Variants in CDS1 observed in about 807,000 individuals in gnomAD.
CDS1 encodes the protein CDP-diacylglycerol synthase 1, also known as phosphatidate cytidylyltransferase 1.
A neutral mutation model predicts 62.1 loss-of-function variants in CDS1; 41 were observed. That is an observed-to-expected ratio of 0.66 (90% CI 0.51 to 0.86). CDS1 has a LOEUF of 0.86. Ranked by LOEUF, CDS1 falls within the 40% of genes least tolerant of loss-of-function variation. The probability of loss-of-function intolerance (pLI) is 0.00; values close to 1 mark genes in which losing one functional copy is unlikely to be tolerated. For synonymous variants in CDS1, 185 were observed against 192.6 expected (o/e 0.96, Z 0.32); for missense variants, 470 against 550.1 (o/e 0.85, Z 1.46).
chr4:84,595,033 C>T (rs1157555112), intron 1 of CDS1, among the ~76,000 whole-genome samples: 1 of 152,088 alleles, frequency 6.6e-6, no homozygotes, highest in Admixed American at 6.6e-5. Context: ...GCACATCATC[C>T]AAGAGGTGGC....
At position 84,635,330 on chromosome 4, in the gene CDS1, T is replaced by G. The variant is rs776261160; in HGVS notation, c.789T>G (p.Phe263Leu). The G allele has an allele frequency of 3.2e-5, 50 of 1,554,016 alleles. No homozygotes were observed. In the Admixed American group the frequency reaches 3.2e-4, roughly 10 times the overall value. ...CTGCTTACCTTTTTGGATTTTTTTT[T>G]GGGAGAACTCCATTAATTAAGGTAA... The part of the protein sequence containing the change: ...DITAYLFGFF[F>L]GRTPLIKLSP... The change falls in exon 8 of 13, where the codon TTT becomes TTG. Residue 263 changes from phenylalanine to leucine, a missense_variant. Coordinates refer to ENST00000295887, the MANE Select transcript of CDS1 (RefSeq NM_001263.4).
intron 3 of CDS1, among the ~76,000 whole-genome samples, chr4:84,613,586 G>A (rs917177407): frequency 6.6e-5 from 10 of 152,206 alleles, no homozygotes; most frequent in Non-Finnish European, 1.5e-4. Context: ...CTCCAGCCTG[G>A]GCGACAGAGT....
At position 84,650,445 on chromosome 4, in the gene CDS1, T is replaced by C. The variant is rs1724698407; in HGVS notation, c.*1759T>C. 1 of 152,144 alleles carries C rather than the reference T, an allele frequency of 6.6e-6. No individual in the cohort carries two copies. Among genetic ancestry groups the C allele is most frequent in the Non-Finnish European group, 1.5e-5 (1 of 68,042 alleles). 9.4% of individuals were successfully genotyped at this position (152,144 alleles called of 1,614,324 possible). On this transcript the variant is annotated 3_prime_UTR_variant, in exon 13 of 13. Transcript: ENST00000295887. ...ACATCTCATGTTTTTATTTGTCCCA[T>C]TACAGCCTCAAATGTTGGTCATAAA...
At chr4:84,595,502 ATC>A (rs1560464740) in intron 1 of CDS1, among the ~76,000 whole-genome samples, 4 of 152,322 alleles carry the variant, frequency 2.6e-5, no homozygotes, top group South Asian at 2.1e-4. Flanking sequence ...CAAGAAAAAA[ATC>A]TATGTGTTTA....
intron 1 of CDS1, among the ~76,000 whole-genome samples, chr4:84,586,328 C>T (rs964676443): frequency 6.6e-6 from 1 of 152,124 alleles, no homozygotes; most frequent in Non-Finnish European, 1.5e-5. Flanking sequence ...AATAATTATA[C>T]AACTCACCAT....
chr4:84,612,002 TGA>T (rs950224900), intron 3 of CDS1, among the ~76,000 whole-genome samples: 1 of 151,850 alleles, frequency 6.6e-6, no homozygotes, highest in Non-Finnish European at 1.5e-5. Context: ...AGGGACCAAG[TGA>T]GAGCAAGGAG....
At chr4:84,609,044 T>G (rs2110051633) in intron 2 of CDS1, among the ~76,000 whole-genome samples, 1 of 151,868 alleles carries the variant, frequency 6.6e-6, no homozygotes, top group South Asian at 2.1e-4. Context: ...CCGGGTGTGG[T>G]GGCGGGCACC....
At chr4:84,620,194 G>T (rs1297547621) in intron 5 of CDS1, among the ~76,000 whole-genome samples, 2 of 147,574 alleles carry the variant, frequency 1.4e-5, no homozygotes, top group African/African-American at 5.0e-5. Flanking sequence ...GCTTTTTCAT[G>T]TAGAACTAAT....
chr4:84,604,448 G>A (rs933571600), intron 2 of CDS1, 78 bp downstream of exon 2: 14 of 1,505,004 alleles, frequency 9.3e-6, no homozygotes, highest in Non-Finnish European at 1.3e-5. Flanking sequence ...TAATAAATTT[G>A]GCTTTTTGTA....
rs1724721482 is a variant in CDS1 at position 84,651,165 on chromosome 4, C to T, written c.*2479C>T. 1 of 152,102 alleles carries T rather than the reference C, an allele frequency of 6.6e-6. No individual in the cohort carries two copies. The highest frequency in any genetic ancestry group is 1.5e-5 in the Non-Finnish European group (1 of 68,008). The allele number at this position is 152,102 out of a possible 1,614,324, so 9.4% of individuals were successfully genotyped here. On this transcript the variant is annotated 3_prime_UTR_variant, in exon 13 of 13. Transcript: ENST00000295887. ...CTTTTTAAAATTATTGTATCTCTTCCTTTTCACTTTGGTTTGAACAAAGAT... is the reference window on the plus strand; with the variant it reads ...CTTTTTAAAATTATTGTATCTCTTCTTTTTCACTTTGGTTTGAACAAAGAT...
At chr4:84,599,029 T>C (rs1722839315) in intron 1 of CDS1, among the ~76,000 whole-genome samples, 1 of 152,176 alleles carries the variant, frequency 6.6e-6, no homozygotes, top group Non-Finnish European at 1.5e-5. Flanking sequence ...CTTAAAGTGC[T>C]ATCTTAGCTC....
chr4:84,594,767 C>T (rs1722698647), intron 1 of CDS1, among the ~76,000 whole-genome samples: 1 of 152,144 alleles, frequency 6.6e-6, no homozygotes, highest in Admixed American at 6.5e-5. Context: ...ACAGTTGGCT[C>T]TCCATATCTA....
At position 84,648,538 on chromosome 4, in the gene CDS1, C is replaced by A; in HGVS notation, c.1257-19C>A. The A allele has an allele frequency of 1.9e-6, 3 of 1,609,494 alleles. No homozygotes were observed. Among genetic ancestry groups the A allele is most frequent in the Non-Finnish European group, 2.5e-6 (3 of 1,178,406 alleles). On this transcript the variant is annotated intron_variant, in intron 12 of 12. Coordinates refer to ENST00000295887, the MANE Select transcript of CDS1 (RefSeq NM_001263.4). ...TATTAAAATAACACGAACTTGTCTT[C>A]TTTGCCTTTTATCATTAGGGGCCCA...
At chr4:84,639,873 G>C (rs1376170974) in intron 9 of CDS1, among the ~76,000 whole-genome samples, 1 of 151,882 alleles carries the variant, frequency 6.6e-6, no homozygotes, top group African/African-American at 2.4e-5. Context: ...TTTTGTGGTA[G>C]AATATTGATG....
At chr4:84,588,301 C>T (rs548620153) in intron 1 of CDS1, among the ~76,000 whole-genome samples, 5 of 152,296 alleles carry the variant, frequency 3.3e-5, no homozygotes, top group African/African-American at 1.2e-4. Context: ...AACGTCTCTC[C>T]TCCATTTGAG....
At chr4:84,612,480 TA>T (rs370935474) in intron 3 of CDS1, among the ~76,000 whole-genome samples, 106 of 152,242 alleles carry the variant, frequency 7.0e-4, no homozygotes, top group African/African-American at 2.5e-3. Flanking sequence ...AATTTGTGGA[TA>T]AAAACTATTT....
chr4:84,639,100 T>A, intron 9 of CDS1, 108 bp downstream of exon 9: 1 of 411,412 alleles, frequency 2.4e-6, no homozygotes, highest in Non-Finnish European at 4.2e-6. Context: ...GCTAATAATA[T>A]ATTTATTGAA....
At chr4:84,645,765 C>T (rs956795612) in intron 12 of CDS1, among the ~76,000 whole-genome samples, 2 of 152,182 alleles carry the variant, frequency 1.3e-5, no homozygotes, top group African/African-American at 2.4e-5. Context: ...AATCTCTGCC[C>T]CCATAGCTAC....
chr4:84,626,160 T>C (rs1266122517), intron 5 of CDS1, among the ~76,000 whole-genome samples: 1 of 151,232 alleles, frequency 6.6e-6, no homozygotes. Flanking sequence ...AGAGCGAAAC[T>C]CCATTTCAAA....
Sources: allele counts gnomAD v4.1 joint callset (sites outside exome capture counted in the v4.1 genomes callset), GRCh38; gene constraint gnomAD v4.1.1; transcripts MANE v1.5; gene names NCBI Gene and HGNC (gene_info 2026-07-23, HGNC 2026-07-21).